The following ME3 variants were observed in gnomAD, a reference collection of about 807,000 sequenced individuals.
The protein encoded by ME3 is NADP-dependent malic enzyme, mitochondrial.
ME3 carries 48 observed loss-of-function variants against 68.9 expected under a neutral mutation model. The observed-to-expected ratio is 0.70, with a 90% CI of 0.55 to 0.89. ME3 has a LOEUF of 0.89. Ranked by LOEUF, ME3 falls within the 40% of genes least tolerant of loss-of-function variation. The pLI is 0.00. For synonymous variants in ME3, 320 were observed against 318.8 expected, an observed-to-expected ratio of 1.00 and a Z score of -0.04; for missense variants, 675 against 797.4, an observed-to-expected ratio of 0.85 and a Z score of 1.85.
Position 86,517,208 on chromosome 11 carries a change from C to A in ME3, c.468-8341G>T, listed in dbSNP as rs372160337. On this transcript the variant is annotated intron_variant, in intron 4 of 14. Coordinates refer to ENST00000543262, the Ensembl canonical transcript of ME3. ...AGCACAGCCCGGTGACCTGCTTTGGCCAATAAAATGCAACATGGCACCTCT... is the reference window on the plus strand; with the variant it reads ...AGCACAGCCCGGTGACCTGCTTTGGACAATAAAATGCAACATGGCACCTCT... Among the ~76,000 whole-genome samples the A allele has an allele frequency of 4.4e-4, 67 of 152,182 alleles. No individual in the cohort carries two copies. The East Asian group carries it at 8.5e-3, about 19-fold the overall frequency.
Position 86,615,506 on chromosome 11 carries a change from G to A in ME3, c.184-55683C>T, listed in dbSNP as rs117011663. Reference sequence around the variant, plus strand: ...CTCCACTTAACCACATCTTTATACTGCATCTTGATCAAGGTAGAAATACAG... The same window carrying A: ...CTCCACTTAACCACATCTTTATACTACATCTTGATCAAGGTAGAAATACAG... On this transcript the variant is annotated intron_variant, in intron 2 of 14. Coordinates refer to ENST00000543262, the Ensembl canonical transcript of ME3. Among the ~76,000 whole-genome samples, 15 of 152,240 alleles carry A rather than the reference G, an allele frequency of 9.9e-5. No homozygotes were observed. The East Asian group carries it at 2.5e-3, about 25-fold the overall frequency.
chr11:86,554,980 C>G (rs1309252194), intron 4 of ME3, among the ~76,000 whole-genome samples: 4 of 152,110 alleles, frequency 2.6e-5, no homozygotes, highest in African/African-American at 9.7e-5. Flanking sequence ...AAGGGGTGGT[C>G]AGTTCAGCCT....
exon 3 of ME3, chr11:86,559,759 A>G (rs1431941871): frequency 6.2e-7 from 1 of 1,613,902 alleles, no homozygotes; most frequent in Admixed American, 1.7e-5. Context: ...CTGGCTCAGA[A>G]AGCAGGGCGG....
At chr11:86,505,583 C>G (rs1315765436) in intron 5 of ME3, among the ~76,000 whole-genome samples, 1 of 152,210 alleles carries the variant, frequency 6.6e-6, no homozygotes, top group African/African-American at 2.4e-5. Context: ...GGAGCCCCCT[C>G]AGGCCCTGAC....
intron 2 of ME3, among the ~76,000 whole-genome samples, chr11:86,598,433 A>T (rs1959948588): frequency 6.6e-6 from 1 of 152,212 alleles, no homozygotes; most frequent in Non-Finnish European, 1.5e-5. Context: ...GCTTAGGTAA[A>T]CGAAGCAGCC....
chr11:86,511,033 AC>A (rs1203062469), intron 4 of ME3, among the ~76,000 whole-genome samples: 1 of 152,074 alleles, frequency 6.6e-6, no homozygotes. Context: ...CTTTTATACA[AC>A]CCGTTGCCAA....
intron 2 of ME3, among the ~76,000 whole-genome samples, chr11:86,562,808 C>A (rs748503619): frequency 1.6e-4 from 24 of 151,772 alleles, no homozygotes; most frequent in Non-Finnish European, 2.9e-4. Context: ...ATGTTTTCAA[C>A]CTCCAGTATC....
intron 4 of ME3, among the ~76,000 whole-genome samples, chr11:86,525,619 C>G (rs1308780020): frequency 6.6e-6 from 1 of 152,018 alleles, no homozygotes; most frequent in Non-Finnish European, 1.5e-5. Flanking sequence ...TCCCAGCACT[C>G]TGGGAGGCCA....
intron 2 of ME3, among the ~76,000 whole-genome samples, chr11:86,640,239 CAG>C (rs1360869338): frequency 1.3e-5 from 2 of 152,208 alleles, no homozygotes; most frequent in Non-Finnish European, 2.9e-5. Flanking sequence ...ATGCTGCAAT[CAG>C]AGAGTTCAAG....
At chr11:86,590,402 G>A (rs1448065073) in intron 2 of ME3, among the ~76,000 whole-genome samples, 4 of 152,208 alleles carry the variant, frequency 2.6e-5, no homozygotes, top group Admixed American at 6.5e-5. Flanking sequence ...AATGTGTCAC[G>A]TGCTATGGGA....
Position 86,541,785 on chromosome 11 carries a change from G to A in ME3, c.467+14768C>T, listed in dbSNP as rs529747861. Among the ~76,000 whole-genome samples the A allele has an allele frequency of 2.7e-4, 41 of 152,316 alleles. No homozygotes were observed. In the South Asian group the frequency reaches 6.8e-3, roughly 25 times the overall value. On this transcript the variant is annotated intron_variant, in intron 4 of 14. Transcript: ENST00000543262. ...AGAGCAGTGGATCTCCCAGCACAGT[G>A]CTTGAGCTCTGCTAAGGAAAAGACT... is the stretch of plus-strand genomic sequence containing the variant.
chr11:86,444,669 C>T (rs1489347115), intron 13 of ME3, among the ~76,000 whole-genome samples: 1 of 152,166 alleles, frequency 6.6e-6, no homozygotes, highest in Non-Finnish European at 1.5e-5. Context: ...GACCAGCGAT[C>T]TTGAGCAAGT....
At chr11:86,587,573 C>T (rs74898504) in intron 2 of ME3, among the ~76,000 whole-genome samples, 11,147 of 152,192 alleles carry the variant, frequency 0.073, 424 homozygotes, top group Non-Finnish European at 0.091. Context: ...GAGTAAAGCC[C>T]TTCATGACTA....
At chr11:86,520,167 C>A (rs1181967060) in intron 4 of ME3, among the ~76,000 whole-genome samples, 1 of 152,166 alleles carries the variant, frequency 6.6e-6, no homozygotes, top group Non-Finnish European at 1.5e-5. Flanking sequence ...TTCTGACCCT[C>A]CCAGATAACC....
At chr11:86,544,924 C>G (rs557678172) in intron 4 of ME3, among the ~76,000 whole-genome samples, 14 of 151,596 alleles carry the variant, frequency 9.2e-5, no homozygotes, top group African/African-American at 3.4e-4. Context: ...TTCGATGAGG[C>G]AAAAATACTG....
At chr11:86,614,689 C>T (rs1942833347) in intron 2 of ME3, among the ~76,000 whole-genome samples, 1 of 152,122 alleles carries the variant, frequency 6.6e-6, no homozygotes, top group African/African-American at 2.4e-5. Context: ...TTCATAGTCT[C>T]TCAAAGCTAA....
intron 2 of ME3, among the ~76,000 whole-genome samples, chr11:86,576,613 A>G (rs987415195): frequency 6.6e-6 from 1 of 151,870 alleles, no homozygotes; most frequent in Non-Finnish European, 1.5e-5. Context: ...TCCTTCCTTT[A>G]TGTGCCCTTC....
At chr11:86,522,506 G>C (rs1196371148) in intron 4 of ME3, among the ~76,000 whole-genome samples, 1 of 151,814 alleles carries the variant, frequency 6.6e-6, no homozygotes, top group Non-Finnish European at 1.5e-5. Context: ...TTGTCCTAAT[G>C]CTATCCCTTC....
chr11:86,498,236 C>T (rs1026629741), intron 5 of ME3, 112 bp from the exon 6 acceptor site: 25 of 1,305,982 alleles, frequency 1.9e-5, no homozygotes, highest in African/African-American at 4.5e-5. Context: ...CTGACTTTGC[C>T]GGTGTGAAAG....
Sources: allele counts gnomAD v4.1 joint callset (sites outside exome capture counted in the v4.1 genomes callset), GRCh38; gene constraint gnomAD v4.1.1; transcripts MANE v1.5; gene names NCBI Gene and HGNC (gene_info 2026-07-23, HGNC 2026-07-21).